The following MACF1 variants were observed in gnomAD, a reference collection of about 807,000 sequenced individuals.
The protein encoded by MACF1 is microtubule-actin cross-linking factor 1.
In MACF1, 193 loss-of-function variants were observed where a neutral mutation model predicts 854.8. That is an observed-to-expected ratio of 0.23 (90% CI 0.20 to 0.25). The LOEUF (loss-of-function observed/expected upper bound fraction) is 0.25, where lower values mean the gene tolerates loss of function less well. Ranked by LOEUF, MACF1 falls within the 10% of genes least tolerant of loss-of-function variation. The pLI, the probability that MACF1 is intolerant of heterozygous loss-of-function variation, is 1.00. For missense variants in MACF1, 7,722 were observed against 8,929.1 expected, an observed-to-expected ratio of 0.86 and a Z score of 5.45; for synonymous variants, 3,185 against 3,226.7, an observed-to-expected ratio of 0.99 and a Z score of 0.44.
At chr1:39,475,237 A>G (rs770113601) in intron 97 of MACF1, among the ~76,000 whole-genome samples, 9 of 152,204 alleles carry the variant, frequency 5.9e-5, no homozygotes, top group Non-Finnish European at 1.0e-4. Context: ...GAATTCTGCT[A>G]TAAGCAGTGA....
At chr1:39,344,926 C>G (rs1312132952) in intron 40 of MACF1, among the ~76,000 whole-genome samples, 1 of 152,124 alleles carries the variant, frequency 6.6e-6, no homozygotes, top group East Asian at 1.9e-4. Flanking sequence ...TGAACAACCA[C>G]CTGACCGTCA....
At position 39,310,935 on chromosome 1, in the gene MACF1, C is replaced by T. The variant is rs760849534; in HGVS notation, c.3205C>T (p.Leu1069=). The change falls in exon 26 of 101, where the codon CTA becomes TTA. Residue 1069 remains leucine (L), a synonymous_variant. Transcript: ENST00000564288. The part of the protein sequence containing the change: ...EQRVVKRIQS[L]ASSRTDRDAW... ...GAGGGTGGTCAAACGAATTCAGTCTCTAGCCAGCTCTAGGACTGACAGAGA... is the reference window on the plus strand; with the variant it reads ...GAGGGTGGTCAAACGAATTCAGTCTTTAGCCAGCTCTAGGACTGACAGAGA... 6.2e-7 allele frequency: 1 copy of T among 1,614,210 alleles called. No individual in the cohort carries two copies. The highest frequency in any genetic ancestry group is 8.5e-7 in the Non-Finnish European group (1 of 1,180,024).
At chr1:39,411,891 C>T (rs551592899) in intron 58 of MACF1, 1 of 1,613,646 alleles carries the variant, frequency 6.2e-7, no homozygotes, top group Admixed American at 1.7e-5. Context: ...ATTTTAATAC[C>T]CTGGATTCTT....
At chr1:39,448,993 C>T (rs919405836) in intron 84 of MACF1, among the ~76,000 whole-genome samples, 9 of 152,164 alleles carry the variant, frequency 5.9e-5, no homozygotes, top group African/African-American at 2.2e-4. Flanking sequence ...ATCAAACCAA[C>T]AATAATAGAT....
rs540540825 is a variant in MACF1, at chr1:39,105,943, A to C, written c.220+21505A>C. Reference sequence around the variant, plus strand: ...TCGGCGCGCTCAGAGCGCCAGTTACATGATTTGCCCTATTATCCGGCCCCA... The same window carrying C: ...TCGGCGCGCTCAGAGCGCCAGTTACCTGATTTGCCCTATTATCCGGCCCCA... On this transcript the variant is annotated intron_variant, in intron 2 of 93. Coordinates refer to the MACF1 transcript ENST00000361689. This position sits in a 1 kb window ranked among gnomAD's most constrained non-coding sequence, Gnocchi z 5.9. Among the ~76,000 whole-genome samples, 7 of 152,200 alleles carry C rather than the reference A, an allele frequency of 4.6e-5. No individual in the cohort carries two copies. Among genetic ancestry groups the C allele is most frequent in the Non-Finnish European group, 7.3e-5 (5 of 68,032 alleles).
chr1:39,199,632 G>A (rs1455154340), intron 2 of MACF1, among the ~76,000 whole-genome samples: 1 of 152,126 alleles, frequency 6.6e-6, no homozygotes, highest in Non-Finnish European at 1.5e-5. Flanking sequence ...GGGATCAAAT[G>A]AAATAACAGA....
In MACF1 at chr1:39,440,076, T is replaced by TTTTTC. The variant is rs752417043; in HGVS notation, c.18447+611_18447+615dup. The stretch of plus-strand genomic sequence containing the variant: ...TACTTTTTTCTAGTTTTTGGTGCTA[T>TTTTTC]TTTTCTTTTCTTTTCTTTTCTTTTC... On this transcript the variant is annotated intron_variant, in intron 72 of 100. Coordinates refer to ENST00000564288, the MANE Select transcript of MACF1 (RefSeq NM_001394062.1). 9.2e-3 allele frequency among the ~76,000 whole-genome samples: 1,168 copies of TTTTTC among 127,476 alleles called. 41 individuals carry two copies. Among genetic ancestry groups the TTTTTC allele is most frequent in the African/African-American group, 0.012 (360 of 30,024 alleles). 83.6% of individuals were successfully genotyped at this position (127,476 alleles called of 152,430 possible). A position where few individuals can be genotyped will look rare whatever the true frequency, so the allele number is the denominator to read the frequency against.
At chr1:39,285,883 G>A in intron 14 of MACF1, 125 bp downstream of exon 14, 3 of 1,047,182 alleles carry the variant, frequency 2.9e-6, no homozygotes, top group Non-Finnish European at 4.2e-6. Context: ...TGTCTCAATG[G>A]GGATACTACA....
At position 39,447,763 on chromosome 1, in the gene MACF1, G is replaced by T. The variant is rs764391641; in HGVS notation, c.19833G>T (p.Lys6611Asn). The T allele has an allele frequency of 1.2e-6, 2 of 1,614,066 alleles. No individual in the cohort carries two copies. The highest frequency in any genetic ancestry group is 2.2e-5 in the South Asian group (2 of 91,066). Residue 6611 changes from lysine (K) to asparagine (N), a missense_variant, in exon 82 of 101, where the codon AAG becomes AAT. Lys to Asn is a moderately conservative substitution (Grantham distance 94). This residue lies in a region of MACF1 where 729 missense variants were observed against 900.5 expected (regional missense o/e 0.81). Transcript: ENST00000564288. ...TGGATCAAACTGGGAATCAATTAAA[G>T]TTCCTTAGCCAAAAGCAGGATGTTG... The part of the protein sequence containing the change: ...IELDQTGNQL[K>N]FLSQKQDVVL...
intron 6 of MACF1, among the ~76,000 whole-genome samples, chr1:39,272,819 G>A (rs1400720105): frequency 2.6e-5 from 4 of 152,172 alleles, no homozygotes; most frequent in South Asian, 2.1e-4. Flanking sequence ...TAACACAGAA[G>A]CAAGATGACA....
intron 2 of MACF1, among the ~76,000 whole-genome samples, chr1:39,126,073 A>G (rs766855863): frequency 2.0e-5 from 3 of 152,226 alleles, no homozygotes; most frequent in Non-Finnish European, 2.9e-5. Flanking sequence ...GCTGGGCAAC[A>G]TAGTGAGACC....
At chr1:39,232,766 T>G (rs1484032866) in intron 2 of MACF1, among the ~76,000 whole-genome samples, 5 of 136,318 alleles carry the variant, frequency 3.7e-5, no homozygotes, top group African/African-American at 5.5e-5. Context: ...TTTTTTTTTT[T>G]TTGTTTGTTT....
At chr1:39,207,065 A>G (rs1051514670) in intron 1 of MACF1, 1 of 151,938 alleles carries the variant, frequency 6.6e-6, no homozygotes, top group Admixed American at 6.6e-5. Flanking sequence ...TAGTAATAAT[A>G]ATGATTCAGG....
At chr1:39,372,392 C>A in intron 51 of MACF1, 87 bp from the exon 52 acceptor site, 1 of 703,914 alleles carries the variant, frequency 1.4e-6, no homozygotes, top group Non-Finnish European at 2.5e-6. Flanking sequence ...CTTTTCAAAA[C>A]ACTAGGGAGT....
At chr1:39,297,890 ATGT>A (rs1422798194) in intron 21 of MACF1, 145 bp downstream of exon 21, 22 of 911,120 alleles carry the variant, frequency 2.4e-5, no homozygotes, top group Non-Finnish European at 3.5e-5. Flanking sequence ...AGTTTAATCG[ATGT>A]TGTTCTGTCT....
intron 6 of MACF1, chr1:39,269,467 G>C (rs1342541245): frequency 7.8e-7 from 1 of 1,289,836 alleles, no homozygotes; most frequent in South Asian, 1.2e-5. Flanking sequence ...GGCCAAAGAC[G>C]CACGGAGCCT....
chr1:39,237,116 T>G (rs1337519593), intron 2 of MACF1, among the ~76,000 whole-genome samples: 1 of 152,230 alleles, frequency 6.6e-6, no homozygotes. Flanking sequence ...TATAGCCACA[T>G]GAGACAACTC....
chr1:39,088,098 G>A (rs944461457), intron 2 of MACF1, among the ~76,000 whole-genome samples: 3 of 152,062 alleles, frequency 2.0e-5, no homozygotes, highest in African/African-American at 4.8e-5. Context: ...TCAGCCTCCT[G>A]AGCAGCTGGG....
Position 39,283,146 on chromosome 1 carries a change from G to A in MACF1, c.696-43G>A, listed in dbSNP as rs765219936. ...TTCTTTGTGTAAACTCATGTGTGAT[G>A]TGTAGATGGTGGCGTTTCATGTGCC... On this transcript the variant is annotated intron_variant, in intron 7 of 100. Coordinates refer to ENST00000564288, the MANE Select transcript of MACF1 (RefSeq NM_001394062.1). This position sits in a 1 kb window ranked among gnomAD's most constrained non-coding sequence, Gnocchi z 4.5. 1 of 1,208,830 alleles carries A rather than the reference G, an allele frequency of 8.3e-7. No individual in the cohort carries two copies. Among genetic ancestry groups the A allele is most frequent in the Non-Finnish European group, 1.2e-6 (1 of 812,762 alleles). 74.9% of individuals were successfully genotyped at this position (1,208,830 alleles called of 1,614,324 possible).
Sources: gnomAD v4.1 joint callset for allele counts (sites outside exome capture counted in the v4.1 genomes callset) on GRCh38, gnomAD v4.1.1 for gene constraint, gnomAD v4.1.1 regional missense constraint, Gnocchi (gnomAD v3.1) non-coding constraint, MANE v1.5 for transcripts, NCBI Gene and HGNC (gene_info 2026-07-23, HGNC 2026-07-21) for gene names.